The following CTNNA2 variants were observed in gnomAD, a reference collection of about 807,000 sequenced individuals.
The protein encoded by CTNNA2 is catenin alpha 2.
Under a neutral mutation model 101.0 loss-of-function variants are expected in CTNNA2, and 42 were observed. The observed-to-expected ratio is 0.42, with a 90% confidence interval of 0.32 to 0.54. The LOEUF (loss-of-function observed/expected upper bound fraction) is 0.54, where lower values mean the gene tolerates loss of function less well. Among genes scored for constraint, CTNNA2 ranks in the 20% least tolerant of loss-of-function variants. CTNNA2 has a pLI of 0.14. For missense variants in CTNNA2, 871 were observed against 1,223.1 expected (o/e 0.71, Z 4.29); for synonymous variants, 450 against 456.4 (o/e 0.99, Z 0.18).
chr2:79,556,881 A>C (rs184001387), intron 1 of CTNNA2, among the ~76,000 whole-genome samples: 2 of 151,992 alleles, frequency 1.3e-5, no homozygotes, highest in Non-Finnish European at 2.9e-5. Context: ...AAAACATAGG[A>C]AATAAATCAG....
chr2:80,093,832 A>G (rs1699957316), intron 7 of CTNNA2, among the ~76,000 whole-genome samples: 1 of 151,792 alleles, frequency 6.6e-6, no homozygotes, highest in African/African-American at 2.4e-5. Context: ...GATATCCTTC[A>G]CCCACTTTTT....
At chr2:79,321,956 G>A (rs1450507696) in intron 3 of CTNNA2, among the ~76,000 whole-genome samples, 1 of 152,110 alleles carries the variant, frequency 6.6e-6, no homozygotes, top group East Asian at 1.9e-4. Flanking sequence ...GCAGACATAT[G>A]ATCCCCAACT....
At chr2:80,378,226 C>T (rs1676151847) in intron 7 of CTNNA2, among the ~76,000 whole-genome samples, 1 of 151,912 alleles carries the variant, frequency 6.6e-6, no homozygotes, top group Non-Finnish European at 1.5e-5. Context: ...GGCATGGTGG[C>T]GCGCCTTTAA....
chr2:80,529,263 A>T (rs146440531), intron 9 of CTNNA2, among the ~76,000 whole-genome samples: 1 of 152,220 alleles, frequency 6.6e-6, no homozygotes, highest in Non-Finnish European at 1.5e-5. Flanking sequence ...ACCGCCCTTT[A>T]TAAGTGTAAA....
chr2:80,186,978 T>C (rs371829100), intron 7 of CTNNA2, among the ~76,000 whole-genome samples: 92 of 152,344 alleles, frequency 6.0e-4, no homozygotes, highest in African/African-American at 2.0e-3. Context: ...TTACACTGGA[T>C]AGCATATTAA....
At chr2:80,629,571 T>C (rs1211987539) in intron 18 of CTNNA2, among the ~76,000 whole-genome samples, 1 of 152,162 alleles carries the variant, frequency 6.6e-6, no homozygotes, top group Non-Finnish European at 1.5e-5. Flanking sequence ...GAGAAACCTA[T>C]AGGCTATAGT....
chr2:80,126,777 G>A (rs1216057491), intron 7 of CTNNA2, among the ~76,000 whole-genome samples: 1 of 151,684 alleles, frequency 6.6e-6, no homozygotes, highest in African/African-American at 2.4e-5. Context: ...TTAAATCATG[G>A]CTGTCTGATT....
rs192137950 is a variant in CTNNA2, at chr2:79,615,914, G to T, written c.-5-35638G>T. Among the ~76,000 whole-genome samples the T allele has an allele frequency of 6.6e-5, 10 of 152,226 alleles. No homozygotes were observed. The East Asian group carries it at 1.2e-3, about 18-fold the overall frequency. On this transcript the variant is annotated intron_variant, in intron 1 of 18. Coordinates refer to ENST00000402739, the MANE Select transcript of CTNNA2 (RefSeq NM_001282597.3). Reference sequence around the variant, plus strand: ...AAATCACGTAAAAATATTCTGTGGCGCCCAAACTAAGTGTTTCCTCAAGTC... The same window carrying T: ...AAATCACGTAAAAATATTCTGTGGCTCCCAAACTAAGTGTTTCCTCAAGTC...
chr2:79,524,663 T>G (rs917064625), intron 1 of CTNNA2: 1 of 152,066 alleles, frequency 6.6e-6, no homozygotes, highest in East Asian at 1.9e-4. Context: ...TTAGATTTAG[T>G]GTGAATGAGA....
intron 7 of CTNNA2, among the ~76,000 whole-genome samples, chr2:80,008,595 G>T (rs1693546940): frequency 6.6e-6 from 1 of 152,198 alleles, no homozygotes; most frequent in Non-Finnish European, 1.5e-5. Flanking sequence ...GGACAGTGTA[G>T]CTGTAGGACT....
intron 9 of CTNNA2, among the ~76,000 whole-genome samples, chr2:80,485,645 T>A (rs548087290): frequency 6.6e-6 from 1 of 152,336 alleles, no homozygotes; most frequent in South Asian, 2.1e-4. Context: ...TTAGTTTTAA[T>A]AAATATTTTT....
At chr2:80,136,947 A>C (rs1302258420) in intron 7 of CTNNA2, among the ~76,000 whole-genome samples, 1 of 152,118 alleles carries the variant, frequency 6.6e-6, no homozygotes, top group Non-Finnish European at 1.5e-5. Flanking sequence ...TGGCCTCTTC[A>C]TTGCCTCCCT....
chr2:80,097,903 G>T (rs7606416), intron 7 of CTNNA2, among the ~76,000 whole-genome samples: 63,544 of 151,832 alleles, frequency 0.42, 15,383 homozygotes, highest in East Asian at 0.65. Context: ...AGTTAGCCAT[G>T]CACCTAATTT....
intron 2 of CTNNA2, among the ~76,000 whole-genome samples, chr2:79,261,259 C>G (rs1674917846): frequency 6.6e-6 from 1 of 152,088 alleles, no homozygotes; most frequent in South Asian, 2.1e-4. Context: ...AATTATTCAC[C>G]AGAAATTCAA....
At chr2:79,243,773 G>C (rs1205929639) in intron 2 of CTNNA2, among the ~76,000 whole-genome samples, 3 of 152,136 alleles carry the variant, frequency 2.0e-5, no homozygotes, top group African/African-American at 7.2e-5. Context: ...GATTAACCGA[G>C]GGAAGGGAGA....
intron 7 of CTNNA2, among the ~76,000 whole-genome samples, chr2:80,244,647 G>C (rs1469790977): frequency 2.0e-5 from 3 of 152,166 alleles, no homozygotes; most frequent in Non-Finnish European, 2.9e-5. Flanking sequence ...AAAAGTAATT[G>C]TGGGTTTTGC....
At chr2:80,628,180 C>T (rs1345522222) in intron 18 of CTNNA2, among the ~76,000 whole-genome samples, 1 of 151,894 alleles carries the variant, frequency 6.6e-6, no homozygotes. Flanking sequence ...TGAAAATGGC[C>T]ATCATGCCCA....
At chr2:79,746,009 T>C (rs1671619847) in intron 3 of CTNNA2, among the ~76,000 whole-genome samples, 1 of 152,192 alleles carries the variant, frequency 6.6e-6, no homozygotes, top group African/African-American at 2.4e-5. Flanking sequence ...ACCATTTCCA[T>C]AGTAGTGCAC....
chr2:79,834,799 C>G (rs1218166203), intron 3 of CTNNA2, among the ~76,000 whole-genome samples: 1 of 151,902 alleles, frequency 6.6e-6, no homozygotes, highest in Non-Finnish European at 1.5e-5. Context: ...ATAAATATAT[C>G]TCTAAATATT....
Sources: gnomAD v4.1 joint callset for allele counts (sites outside exome capture counted in the v4.1 genomes callset) on GRCh38, gnomAD v4.1.1 for gene constraint, MANE v1.5 for transcripts, NCBI Gene and HGNC (gene_info 2026-07-23, HGNC 2026-07-21) for gene names.